Variants in NRAP observed in about 807,000 individuals in gnomAD.
NRAP encodes the protein nebulin-related-anchoring protein.
NRAP carries 189 observed loss-of-function variants against 225.9 expected under a neutral mutation model. The observed-to-expected ratio is 0.84, with a 90% CI of 0.74 to 0.94. The LOEUF (loss-of-function observed/expected upper bound fraction) is 0.94, where lower values mean the gene tolerates loss of function less well. NRAP is among the 40% of genes least tolerant of loss of function. The pLI, the probability that NRAP is intolerant of heterozygous loss-of-function variation, is 0.00. For synonymous variants in NRAP, 769 were observed against 790.7 expected (o/e 0.97, Z 0.46); for missense variants, 2,176 against 2,168.7 (o/e 1.00, Z -0.07).
chr10:113,604,833 G>A lies in NRAP; in HGVS notation c.4003C>T (p.Arg1335Trp), dbSNP rs772836631. Residue 1335 changes from arginine to tryptophan, a missense_variant, in exon 35 of 42, where the codon CGG becomes TGG. Arg to Trp is a moderately radical substitution (Grantham distance 101, BLOSUM62 -3). Coordinates refer to ENST00000359988, the MANE Select transcript of NRAP (RefSeq NM_198060.4). ...VRDDPRIQHC[R>W]RMGQLQSELQ... ...TCGCTCTGCAGCTGGCCCATGCGCC[G>A]GCAGTGCTGGATCCGGGGGTCGTCT... The A allele has an allele frequency of 2.3e-5, 37 of 1,614,090 alleles. No homozygotes were observed. Among genetic ancestry groups the A allele is most frequent in the South Asian group, 5.5e-5 (5 of 91,086 alleles).
At chr10:113,637,521 T>C (rs1403114531) in intron 14 of NRAP, among the ~76,000 whole-genome samples, 1 of 152,206 alleles carries the variant, frequency 6.6e-6, no homozygotes, top group Non-Finnish European at 1.5e-5. Context: ...GGAAATGCAT[T>C]CTAGAAACAA....
At chr10:113,634,918 A>G (rs928755102) in intron 14 of NRAP, among the ~76,000 whole-genome samples, 1 of 152,176 alleles carries the variant, frequency 6.6e-6, no homozygotes, top group African/African-American at 2.4e-5. Flanking sequence ...TGGCCCTAAC[A>G]TGTCCCCACC....
At chr10:113,624,112 G>T (rs77789397) in intron 22 of NRAP, among the ~76,000 whole-genome samples, 1,865 of 152,146 alleles carry the variant, frequency 0.012, 39 homozygotes, top group African/African-American at 0.043. Context: ...ATCTCCAAAT[G>T]TCGAGATCTT....
chr10:113,620,135 C>T (rs1487875748), intron 25 of NRAP, among the ~76,000 whole-genome samples: 1 of 152,070 alleles, frequency 6.6e-6, no homozygotes, highest in East Asian at 1.9e-4. Context: ...TATAAGTAGG[C>T]AGAACTGAGT....
At chr10:113,631,388 A>G (rs921863404) in intron 18 of NRAP, 121 bp downstream of exon 18, 2 of 632,278 alleles carry the variant, frequency 3.2e-6, no homozygotes, top group Non-Finnish European at 5.6e-6. Context: ...AAGCCAGGAA[A>G]GAAAGGAGTT....
At chr10:113,618,344 C>G (rs1847788618) in intron 25 of NRAP, among the ~76,000 whole-genome samples, 1 of 152,216 alleles carries the variant, frequency 6.6e-6, no homozygotes, top group African/African-American at 2.4e-5. Flanking sequence ...ACACACTCTT[C>G]TTTATCTGGT....
chr10:113,610,955 C>T (rs1406595414), intron 30 of NRAP, among the ~76,000 whole-genome samples: 1 of 152,152 alleles, frequency 6.6e-6, no homozygotes, highest in Non-Finnish European at 1.5e-5. Context: ...TCAGCAGCAG[C>T]GGGTGGCATT....
chr10:113,644,288 G>A lies in NRAP; in HGVS notation c.1111-1250C>T, dbSNP rs73354087. ...AATTAGATACTTTACTTTTCCAGGC[G>A]TATGACAAAGTGATAGCCTAATGAT... is the stretch of plus-strand genomic sequence containing the variant. On this transcript the variant is annotated intron_variant, in intron 11 of 41. Transcript: ENST00000359988. Among the ~76,000 whole-genome samples the A allele has an allele frequency of 7.9e-3, 1,199 of 151,930 alleles. 12 individuals are homozygous for A. Among genetic ancestry groups the A allele is most frequent in the African/African-American group, 0.027 (1,121 of 41,424 alleles).
chr10:113,611,797 C>T (rs556852743), intron 30 of NRAP, among the ~76,000 whole-genome samples: 3 of 152,180 alleles, frequency 2.0e-5, no homozygotes, highest in African/African-American at 7.2e-5. Flanking sequence ...AGGCCAGAGG[C>T]AATATCATTG....
At chr10:113,638,044 A>G (rs144030325) in intron 14 of NRAP, among the ~76,000 whole-genome samples, 191 of 152,376 alleles carry the variant, frequency 1.3e-3, no homozygotes, top group African/African-American at 4.4e-3. Context: ...AGTCATTTCA[A>G]TGTCAACTAT....
Position 113,631,886 on chromosome 10 carries a change from C to T in NRAP, c.1711G>A (p.Ala571Thr), listed in dbSNP as rs200797026. 176 of 1,612,316 alleles carry T rather than the reference C, an allele frequency of 1.1e-4. 1 individual carries two copies. Among genetic ancestry groups the T allele is most frequent in the Admixed American group, 9.2e-4 (55 of 60,002 alleles). Reference protein sequence around the residue: ...MKLDAMSLLAAKASGELASNI... With the variant: ...MKLDAMSLLATKASGELASNI... ...CTAGCAAGCTCCCCAGAGGCTTTGG[C>T]GGCCAGCAGAGACATGGCATCCAGC... Residue 571 changes from alanine (A) to threonine (T), a missense_variant, in exon 17 of 42, where the codon GCC (alanine) becomes ACC (threonine). By Grantham distance (58) the Ala-to-Thr change is moderately conservative (BLOSUM62 0). This residue lies in a region of NRAP where 1,708 missense variants were observed against 1,695.5 expected (regional missense o/e 1.01). Coordinates refer to ENST00000359988, the MANE Select transcript of NRAP (RefSeq NM_198060.4).
chr10:113,614,837 A>G lies in NRAP; in HGVS notation c.3186+2T>C. 1 of 1,561,342 alleles carries G rather than the reference A, an allele frequency of 6.4e-7. No homozygotes were observed. The highest frequency in any genetic ancestry group is 8.8e-7 in the Non-Finnish European group (1 of 1,131,594). On this transcript the variant is annotated splice_donor_variant, in intron 28 of 41. Coordinates refer to ENST00000359988, the MANE Select transcript of NRAP (RefSeq NM_198060.4). LOFTEE classifies it high-confidence loss of function. Reference sequence around the variant, plus strand: ...GTCACAAGAATGGGGGTGAATGCTCACATCACTTATGATTTCACCAGAAGC... The same window carrying G: ...GTCACAAGAATGGGGGTGAATGCTCGCATCACTTATGATTTCACCAGAAGC...
intron 31 of NRAP, among the ~76,000 whole-genome samples, chr10:113,608,732 T>C (rs1847150747): frequency 6.6e-6 from 1 of 152,206 alleles, no homozygotes; most frequent in African/African-American, 2.4e-5. Context: ...ACCTTCTAAA[T>C]GGAAAAGGGA....
chr10:113,640,886 T>G (rs1453002167), intron 13 of NRAP, among the ~76,000 whole-genome samples: 1 of 152,164 alleles, frequency 6.6e-6, no homozygotes, highest in Non-Finnish European at 1.5e-5. Context: ...AACAAGGACT[T>G]GATCTACTCT....
chr10:113,615,615 C>T lies in NRAP; in HGVS notation c.3078+97G>A, dbSNP rs565512034. 6.7e-6 allele frequency: 5 copies of T among 743,660 alleles called. No individual in the cohort carries two copies. In the African/African-American group the frequency reaches 6.9e-5, roughly 10 times the overall value. The allele number at this position is 743,660 out of a possible 1,614,324, so 46.1% of individuals were successfully genotyped here. A position where few individuals can be genotyped will look rare whatever the true frequency, so the allele number is the denominator to read the frequency against. ...AGGTGGTGATGGCAGAACATGAAACCAGCTCAGGGGCTTCTGAGCACAGGG... is the reference window on the plus strand; with the variant it reads ...AGGTGGTGATGGCAGAACATGAAACTAGCTCAGGGGCTTCTGAGCACAGGG... On this transcript the variant is annotated intron_variant, in intron 27 of 41. Coordinates refer to ENST00000359988, the MANE Select transcript of NRAP (RefSeq NM_198060.4).
intron 14 of NRAP, among the ~76,000 whole-genome samples, chr10:113,635,109 T>C (rs1848793131): frequency 6.6e-6 from 1 of 152,238 alleles, no homozygotes; most frequent in South Asian, 2.1e-4. Context: ...ACTAGGAATT[T>C]TCCCCTTTGA....
intron 16 of NRAP, among the ~76,000 whole-genome samples, chr10:113,632,624 C>T (rs1305197736): frequency 6.7e-6 from 1 of 149,114 alleles, no homozygotes; most frequent in African/African-American, 2.6e-5. Flanking sequence ...CAGTGCCTGC[C>T]TCAGGATAGA....
At chr10:113,602,298 A>T (rs960258464) in intron 35 of NRAP, among the ~76,000 whole-genome samples, 2 of 151,902 alleles carry the variant, frequency 1.3e-5, no homozygotes, top group African/African-American at 4.8e-5. Flanking sequence ...CACCTCCCAT[A>T]CCTCTCCCAG....
rs74909587 is a variant in NRAP, at chr10:113,659,156, C to T, written c.256-1582G>A. 1.8e-3 allele frequency among the ~76,000 whole-genome samples: 271 copies of T among 152,240 alleles called. 6 individuals are homozygous for T. Among genetic ancestry groups the T allele is most frequent in the South Asian group, 0.014 (69 of 4,826 alleles). On this transcript the variant is annotated intron_variant, in intron 3 of 41. Transcript: ENST00000359988. ...TTAGGAAACAATTAAATGAACATTA[C>T]GTAAACTTAAAGTGGGCTTTGTTTG...
Sources: allele counts gnomAD v4.1 joint callset (sites outside exome capture counted in the v4.1 genomes callset), GRCh38; gene constraint gnomAD v4.1.1; regional missense constraint gnomAD v4.1.1; transcripts MANE v1.5; gene names NCBI Gene and HGNC (gene_info 2026-07-23, HGNC 2026-07-21).